The following CHLSN variants were observed in gnomAD, a reference collection of about 807,000 sequenced individuals.
The protein encoded by CHLSN is cholesin.
chr7:1,059,952 G>A, the CHLSN span, among the ~76,000 whole-genome samples: 27 of 107,106 alleles, frequency 2.5e-4, no homozygotes, highest in East Asian at 6.0e-3. Context: ...CCGTAATGAG[G>A]CGGGTCTTAG....
chr7:1,098,839 G>A, the CHLSN span, among the ~76,000 whole-genome samples: 93 of 152,342 alleles, frequency 6.1e-4, no homozygotes, highest in African/African-American at 1.7e-3. Context: ...AGCGGGGGAC[G>A]GGGAGCCACT....
chr7:994,067 A>G, the CHLSN span, among the ~76,000 whole-genome samples: 1 of 152,222 alleles, frequency 6.6e-6, no homozygotes, highest in African/African-American at 2.4e-5. Context: ...TGGAAAGCCC[A>G]GTCTCCACAG....
chr7:1,073,860 C>G, the CHLSN span, among the ~76,000 whole-genome samples: 1 of 64,504 alleles, frequency 1.6e-5, no homozygotes, highest in Non-Finnish European at 3.2e-5. Context: ...CTGCACCCCG[C>G]TGCCGTGACG....
At chr7:1,076,085 G>C in the CHLSN span, 6 of 152,482 alleles carry the variant, frequency 3.9e-5, no homozygotes, top group East Asian at 1.9e-4. Context: ...AGCTCGGAAA[G>C]ACCCATCCAT....
At chr7:1,121,170 C>A in the CHLSN span, among the ~76,000 whole-genome samples, 1 of 152,218 alleles carries the variant, frequency 6.6e-6, no homozygotes, top group East Asian at 1.9e-4. Context: ...TTCCCCCACA[C>A]GTAAGACTGT....
At chr7:1,057,906 C>T in the CHLSN span, 32 of 775,804 alleles carry the variant, frequency 4.1e-5, no homozygotes, top group East Asian at 5.3e-4. Flanking sequence ...CTACATCGAG[C>T]GTGCACTGCC....
the CHLSN span, among the ~76,000 whole-genome samples, chr7:1,085,644 G>A: frequency 6.6e-6 from 1 of 151,116 alleles, no homozygotes; most frequent in Non-Finnish European, 1.5e-5. Context: ...ACCAGCCTTG[G>A]CAATACAGTG....
the CHLSN span, among the ~76,000 whole-genome samples, chr7:1,137,128 C>G: frequency 2.6e-5 from 4 of 152,176 alleles, no homozygotes; most frequent in African/African-American, 9.7e-5. Flanking sequence ...GGCCCCTCCT[C>G]GCATCTCTGG....
the CHLSN span, among the ~76,000 whole-genome samples, chr7:1,011,233 C>T: frequency 6.7e-6 from 1 of 149,114 alleles, no homozygotes; most frequent in Non-Finnish European, 1.5e-5. Context: ...CACCCACAGA[C>T]ACCCACATAC....
At chr7:984,809 C>T in the CHLSN span, 1 of 1,280,090 alleles carries the variant, frequency 7.8e-7, no homozygotes, top group Non-Finnish European at 1.1e-6. Context: ...CAGGGCCAGC[C>T]CAGGGGGACG....
At chr7:1,057,798 T>C in the CHLSN span, 3 of 776,500 alleles carry the variant, frequency 3.9e-6, no homozygotes, top group Admixed American at 1.7e-5. Context: ...GTGGGCGCTG[T>C]GGAGTGTGGG....
the CHLSN span, among the ~76,000 whole-genome samples, chr7:1,036,236 AGG>A: frequency 6.6e-6 from 1 of 152,142 alleles, no homozygotes; most frequent in African/African-American, 2.4e-5. Context: ...CCATACCAAG[AGG>A]GGCCCCCCAT....
chr7:1,006,229 A>G, the CHLSN span, among the ~76,000 whole-genome samples: 1 of 152,316 alleles, frequency 6.6e-6, no homozygotes, highest in Non-Finnish European at 1.5e-5. Context: ...TCTGAGCTGG[A>G]AAAACAGAGC....
the CHLSN span, chr7:984,860 C>G: frequency 2.7e-6 from 4 of 1,478,660 alleles, no homozygotes; most frequent in African/African-American, 5.6e-5. Context: ...GTCTCGCTGC[C>G]CTGTCAGCCT....
the CHLSN span, among the ~76,000 whole-genome samples, chr7:1,027,894 C>A: frequency 1.3e-5 from 2 of 152,194 alleles, no homozygotes; most frequent in African/African-American, 4.8e-5. Context: ...GCTGGGGGCC[C>A]GGTCCGCCCC....
chr7:1,016,627 A>ACAGCACCACACAGCAGC, the CHLSN span, among the ~76,000 whole-genome samples: 1 of 114,360 alleles, frequency 8.7e-6, no homozygotes, highest in Non-Finnish European at 1.8e-5. Context: ...GCCAGAGCAC[A>ACAGCACCACACAGCAGC]GTAGCGCACG....
the CHLSN span, chr7:1,082,229 T>C: frequency 6.6e-6 from 1 of 152,244 alleles, no homozygotes; most frequent in Non-Finnish European, 1.5e-5. Flanking sequence ...CTCGGAGTCC[T>C]GGGAACCACT....
chr7:1,025,900 C>G, the CHLSN span: 1 of 152,274 alleles, frequency 6.6e-6, no homozygotes, highest in African/African-American at 2.4e-5. Flanking sequence ...CCCACCAGGA[C>G]GCTGCCTGGG....
the CHLSN span, among the ~76,000 whole-genome samples, chr7:1,063,548 G>A: frequency 6.6e-6 from 1 of 152,252 alleles, no homozygotes; most frequent in Admixed American, 6.5e-5. Flanking sequence ...AAGCGGCGCT[G>A]TTCTGCCGTG....
Sources: allele counts gnomAD v4.1 joint callset (sites outside exome capture counted in the v4.1 genomes callset), GRCh38; gene constraint gnomAD v4.1.1; transcripts MANE v1.5; gene names NCBI Gene and HGNC (gene_info 2026-07-23, HGNC 2026-07-21).